Variants in CCDC91 observed in about 807,000 individuals in gnomAD.
CCDC91 encodes the protein coiled-coil domain-containing protein 91.
In CCDC91, 48 loss-of-function variants were observed where a neutral mutation model predicts 63.2. The observed-to-expected ratio is 0.76, with a 90% CI of 0.60 to 0.97. The LOEUF (loss-of-function observed/expected upper bound fraction) is 0.97. Among genes scored for constraint, CCDC91 ranks in the 50% least tolerant of loss-of-function variants. CCDC91 has a pLI of 0.00. For missense variants in CCDC91, 500 were observed against 494.6 expected, an observed-to-expected ratio of 1.01 and a Z score of -0.10; for synonymous variants, 167 against 165.8, an observed-to-expected ratio of 1.01 and a Z score of -0.06.
chr12:28,511,682 C>T (rs1387705275), intron 12 of CCDC91, among the ~76,000 whole-genome samples: 1 of 151,812 alleles, frequency 6.6e-6, no homozygotes, highest in African/African-American at 2.4e-5. Flanking sequence ...TCAGCAGAGT[C>T]TGAGGAAAAG....
intron 12 of CCDC91, among the ~76,000 whole-genome samples, chr12:28,508,847 A>G (rs1463866345): frequency 6.6e-6 from 1 of 151,954 alleles, no homozygotes; most frequent in Non-Finnish European, 1.5e-5. Context: ...TCCTGAACCC[A>G]TAAATTGTAC....
At chr12:28,287,164 A>G (rs755860559) in intron 3 of CCDC91, among the ~76,000 whole-genome samples, 10 of 151,988 alleles carry the variant, frequency 6.6e-5, no homozygotes, top group Non-Finnish European at 1.0e-4. Context: ...GATTGTCTGT[A>G]TACTGTATTA....
intron 12 of CCDC91, among the ~76,000 whole-genome samples, chr12:28,546,150 A>G (rs1427922472): frequency 6.6e-6 from 1 of 152,038 alleles, no homozygotes; most frequent in African/African-American, 2.4e-5. Flanking sequence ...AAATACAACT[A>G]TCCTCAGTTC....
At chr12:28,201,024 G>T (rs1482823884) in intron 1 of CCDC91, among the ~76,000 whole-genome samples, 1 of 137,600 alleles carries the variant, frequency 7.3e-6, no homozygotes, top group Non-Finnish European at 1.6e-5. Flanking sequence ...CCTCCCTCCC[G>T]GATGGGGCGG....
chr12:28,414,254 A>G (rs1416625434), intron 8 of CCDC91, among the ~76,000 whole-genome samples: 1 of 152,174 alleles, frequency 6.6e-6, no homozygotes. Flanking sequence ...ATGTGTAACA[A>G]CATTTAAAAA....
At chr12:28,331,323 A>G (rs989157973) in intron 6 of CCDC91, among the ~76,000 whole-genome samples, 1 of 152,168 alleles carries the variant, frequency 6.6e-6, no homozygotes, top group Non-Finnish European at 1.5e-5. Flanking sequence ...TAGACTGGGT[A>G]TTTGCAGCCA....
intron 12 of CCDC91, among the ~76,000 whole-genome samples, chr12:28,488,739 C>A (rs1463606769): frequency 6.6e-6 from 1 of 151,772 alleles, no homozygotes; most frequent in Admixed American, 6.6e-5. Flanking sequence ...AAAAGGCAAA[C>A]AGGAAAACCT....
chr12:28,473,623 T>C (rs1950933077), intron 11 of CCDC91, among the ~76,000 whole-genome samples: 1 of 152,156 alleles, frequency 6.6e-6, no homozygotes, highest in African/African-American at 2.4e-5. Flanking sequence ...CCATGCAGAC[T>C]ATTCATAGAG....
At chr12:28,277,484 G>A (rs1423648201) in intron 3 of CCDC91, among the ~76,000 whole-genome samples, 2 of 152,028 alleles carry the variant, frequency 1.3e-5, no homozygotes, top group African/African-American at 4.8e-5. Context: ...AATCCAAACT[G>A]TGAAATGCTC....
At chr12:28,475,889 A>T (rs1351422897) in intron 11 of CCDC91, among the ~76,000 whole-genome samples, 2 of 152,038 alleles carry the variant, frequency 1.3e-5, no homozygotes, top group African/African-American at 4.8e-5. Context: ...ATATCTATTT[A>T]GTAATACCTA....
intron 6 of CCDC91, among the ~76,000 whole-genome samples, chr12:28,332,076 T>C (rs1465640798): frequency 6.6e-6 from 1 of 152,180 alleles, no homozygotes; most frequent in Non-Finnish European, 1.5e-5. Context: ...CAAATTAATA[T>C]GTAAATTTAT....
At chr12:28,203,173 A>AT (rs1942592666) in intron 1 of CCDC91, among the ~76,000 whole-genome samples, 1 of 152,170 alleles carries the variant, frequency 6.6e-6, no homozygotes, top group South Asian at 2.1e-4. Context: ...GAGGGATGAG[A>AT]TTAAAATGCC....
chr12:28,264,581 C>CTG (rs1357762563), intron 3 of CCDC91, among the ~76,000 whole-genome samples: 32 of 29,988 alleles, frequency 1.1e-3, no homozygotes, highest in South Asian at 6.2e-3. Flanking sequence ...ATATATATGT[C>CTG]TGTCTGTGTG....
chr12:28,191,198 C>T (rs1332668113), intron 1 of CCDC91: 1 of 152,254 alleles, frequency 6.6e-6, no homozygotes, highest in African/African-American at 2.4e-5. Flanking sequence ...TAGCACGCCT[C>T]CCTTTCCCAA....
chr12:28,262,247 A>G (rs1279233513), intron 3 of CCDC91, among the ~76,000 whole-genome samples: 1 of 152,078 alleles, frequency 6.6e-6, no homozygotes, highest in Non-Finnish European at 1.5e-5. Flanking sequence ...TTAGCTGTCT[A>G]TAATCCATAT....
At chr12:28,248,168 A>G (rs965153147) in intron 1 of CCDC91, among the ~76,000 whole-genome samples, 9 of 152,168 alleles carry the variant, frequency 5.9e-5, no homozygotes, top group Non-Finnish European at 8.8e-5. Context: ...CTTCTTGACC[A>G]AATGTGTTAT....
intron 1 of CCDC91, among the ~76,000 whole-genome samples, chr12:28,238,855 C>T (rs1469651898): frequency 6.6e-6 from 1 of 152,098 alleles, no homozygotes; most frequent in Non-Finnish European, 1.5e-5. Flanking sequence ...CACAGTGGCT[C>T]ATGCCTGTAA....
At chr12:28,471,141 A>G (rs1950794165) in intron 11 of CCDC91, among the ~76,000 whole-genome samples, 1 of 152,188 alleles carries the variant, frequency 6.6e-6, no homozygotes, top group African/African-American at 2.4e-5. Context: ...TTCTAGATAG[A>G]CCTGTAACTA....
chr12:28,290,753 G>T (rs1350148835), intron 3 of CCDC91, among the ~76,000 whole-genome samples: 1 of 152,088 alleles, frequency 6.6e-6, no homozygotes. Flanking sequence ...GGAGTTAAAT[G>T]CTGAATATTC....
Sources: allele counts gnomAD v4.1 joint callset (sites outside exome capture counted in the v4.1 genomes callset), GRCh38; gene constraint gnomAD v4.1.1; transcripts MANE v1.5; gene names NCBI Gene and HGNC (gene_info 2026-07-23, HGNC 2026-07-21).